The following KCNH7 variants were observed in gnomAD, a reference collection of about 807,000 sequenced individuals.
KCNH7 encodes potassium voltage-gated channel subfamily H member 7.
KCNH7 carries 49 observed loss-of-function variants against 120.8 expected under a neutral mutation model. That is an observed-to-expected ratio of 0.41 (90% confidence interval 0.32 to 0.51). KCNH7 has a LOEUF of 0.51. Among genes scored for constraint, KCNH7 ranks in the 20% least tolerant of loss-of-function variants. KCNH7 has a pLI of 0.38. For synonymous variants in KCNH7, 547 were observed against 516.1 expected, an observed-to-expected ratio of 1.06 and a Z score of -0.81; for missense variants, 1,097 against 1,446.6, an observed-to-expected ratio of 0.76 and a Z score of 3.92.
intron 7 of KCNH7, among the ~76,000 whole-genome samples, chr2:162,440,894 A>G (rs781451788): frequency 5.3e-5 from 8 of 152,176 alleles, no homozygotes; most frequent in Non-Finnish European, 1.0e-4. Context: ...ACAAATAAAT[A>G]ACTAGGGATG....
chr2:162,602,772 C>A (rs1031044424), intron 2 of KCNH7, among the ~76,000 whole-genome samples: 2 of 151,446 alleles, frequency 1.3e-5, no homozygotes, highest in Non-Finnish European at 1.5e-5. Flanking sequence ...AAACAGAGGC[C>A]AGTAAAGGGG....
intron 2 of KCNH7, among the ~76,000 whole-genome samples, chr2:162,631,403 T>G (rs1397954081): frequency 6.6e-6 from 1 of 152,062 alleles, no homozygotes; most frequent in African/African-American, 2.4e-5. Context: ...CAGGGGTGGT[T>G]AAGACATGGT....
chr2:162,546,659 A>C (rs1692490427), intron 2 of KCNH7, among the ~76,000 whole-genome samples: 1 of 152,160 alleles, frequency 6.6e-6, no homozygotes, highest in Non-Finnish European at 1.5e-5. Flanking sequence ...GGAACCATAC[A>C]TTGTGCTCTA....
rs190782517 is a variant in KCNH7, at chr2:162,585,465, A to C, written c.308-48385T>G. ...AATGGAACATGTGCAAGTTTTAAAA[A>C]TGTAGTATATCTAAAGACCTAATCT... On this transcript the variant is annotated intron_variant, in intron 2 of 15. Coordinates refer to ENST00000332142, the MANE Select transcript of KCNH7 (RefSeq NM_033272.4). 1.5e-4 allele frequency among the ~76,000 whole-genome samples: 23 copies of C among 152,230 alleles called. 1 individual carries two copies. Among genetic ancestry groups the C allele is most frequent in the Admixed American group, 1.5e-3 (23 of 15,282 alleles).
intron 2 of KCNH7, among the ~76,000 whole-genome samples, chr2:162,715,366 C>A (rs1234976559): frequency 6.6e-6 from 1 of 152,112 alleles, no homozygotes; most frequent in East Asian, 1.9e-4. Context: ...CTATAAGCGA[C>A]CCACCCCCAT....
At chr2:162,440,756 CA>C (rs1451962494) in intron 7 of KCNH7, among the ~76,000 whole-genome samples, 1 of 151,992 alleles carries the variant, frequency 6.6e-6, no homozygotes, top group Non-Finnish European at 1.5e-5. Flanking sequence ...ATTATTGAGA[CA>C]TTTATTTTTG....
At chr2:162,734,016 C>T (rs1687817080) in intron 2 of KCNH7, among the ~76,000 whole-genome samples, 1 of 151,976 alleles carries the variant, frequency 6.6e-6, no homozygotes, top group Non-Finnish European at 1.5e-5. Flanking sequence ...TAAATTGAGG[C>T]TCAGAAATTT....
At chr2:162,401,934 G>C (rs1459218304) in intron 9 of KCNH7, among the ~76,000 whole-genome samples, 2 of 151,820 alleles carry the variant, frequency 1.3e-5, no homozygotes, top group African/African-American at 2.4e-5. Context: ...CTCATAAATA[G>C]TGTGCCAATT....
At chr2:162,764,713 G>A (rs943331996) in intron 2 of KCNH7, among the ~76,000 whole-genome samples, 1 of 152,054 alleles carries the variant, frequency 6.6e-6, no homozygotes, top group South Asian at 2.1e-4. Context: ...TTTTTAAAAA[G>A]CTAAAGACAT....
chr2:162,545,788 G>T (rs1386262347), intron 2 of KCNH7, among the ~76,000 whole-genome samples: 1 of 152,050 alleles, frequency 6.6e-6, no homozygotes, highest in East Asian at 1.9e-4. Context: ...TTCTGCACAA[G>T]AAATTTTATG....
At chr2:162,563,001 C>T (rs1047443787) in intron 2 of KCNH7, among the ~76,000 whole-genome samples, 2 of 152,104 alleles carry the variant, frequency 1.3e-5, no homozygotes, top group Non-Finnish European at 2.9e-5. Context: ...TTCTTCAAAC[C>T]ATCTCTTAGC....
chr2:162,628,432 T>C (rs188568210), intron 2 of KCNH7, among the ~76,000 whole-genome samples: 25 of 152,242 alleles, frequency 1.6e-4, no homozygotes, highest in African/African-American at 6.0e-4. Flanking sequence ...TCTTCTCTCC[T>C]TGAGAAATCT....
At chr2:162,676,789 T>C (rs1685543285) in intron 2 of KCNH7, among the ~76,000 whole-genome samples, 1 of 151,448 alleles carries the variant, frequency 6.6e-6, no homozygotes, top group South Asian at 2.1e-4. Flanking sequence ...ACAGAAAAGC[T>C]TTCTCTATTC....
chr2:162,643,527 C>T (rs1171453144), intron 2 of KCNH7, among the ~76,000 whole-genome samples: 7 of 151,384 alleles, frequency 4.6e-5, no homozygotes, highest in South Asian at 2.1e-4. Flanking sequence ...AATGATTAAC[C>T]GCCGGGCGAG....
At chr2:162,562,927 C>T (rs546086391) in intron 2 of KCNH7, among the ~76,000 whole-genome samples, 49 of 152,274 alleles carry the variant, frequency 3.2e-4, no homozygotes, top group African/African-American at 1.2e-3. Flanking sequence ...AAGAAGAATG[C>T]TTGCTCTGAT....
intron 6 of KCNH7, among the ~76,000 whole-genome samples, chr2:162,448,026 A>G (rs970874103): frequency 1.3e-5 from 2 of 152,106 alleles, no homozygotes; most frequent in Non-Finnish European, 2.9e-5. Context: ...TATAGAGAGA[A>G]CAGGGTTTTA....
intron 8 of KCNH7, among the ~76,000 whole-genome samples, chr2:162,430,123 G>A (rs902396110): frequency 2.6e-5 from 4 of 151,772 alleles, no homozygotes; most frequent in African/African-American, 9.7e-5. Context: ...GAAGCTTGCT[G>A]TTTAAGCTTT....
At chr2:162,574,953 A>C (rs1446475236) in intron 2 of KCNH7, among the ~76,000 whole-genome samples, 2 of 152,116 alleles carry the variant, frequency 1.3e-5, no homozygotes, top group Non-Finnish European at 2.9e-5. Flanking sequence ...AGAATACTAA[A>C]TATTGTATGA....
At chr2:162,787,450 C>T (rs930036697) in intron 2 of KCNH7, among the ~76,000 whole-genome samples, 8 of 152,104 alleles carry the variant, frequency 5.3e-5, no homozygotes, top group African/African-American at 1.7e-4. Context: ...GGTGCCAGGC[C>T]AGCCTCTGTG....
Sources: allele counts gnomAD v4.1 joint callset (sites outside exome capture counted in the v4.1 genomes callset), GRCh38; gene constraint gnomAD v4.1.1; transcripts MANE v1.5; gene names NCBI Gene and HGNC (gene_info 2026-07-23, HGNC 2026-07-21).